The following ZNF254 variants were observed in gnomAD, a reference collection of about 807,000 sequenced individuals.
ZNF254 encodes CTD-2017D11.1.
In ZNF254, 10 loss-of-function variants were observed where a neutral mutation model predicts 12.4. The observed-to-expected ratio is 0.80, with a 90% CI of 0.50 to 1.36. The LOEUF is 1.36. ZNF254 is among the 40% of genes most tolerant of loss of function. The pLI, the probability that ZNF254 is intolerant of heterozygous loss-of-function variation, is 0.00. For synonymous variants in ZNF254, 305 were observed against 253.4 expected (o/e 1.20, Z -1.93); for missense variants, 996 against 763.9 (o/e 1.30, Z -3.58).
intron 3 of ZNF254, 118 bp downstream of exon 3, chr19:24,106,761 T>A (rs1388331345): frequency 2.1e-6 from 2 of 939,300 alleles, no homozygotes; most frequent in Non-Finnish European, 3.0e-6. Context: ...CTGGGAAGCC[T>A]AAATTTTTTT....
chr19:24,105,498 A>C (rs958671962), intron 1 of ZNF254: 8 of 209,926 alleles, frequency 3.8e-5, no homozygotes, highest in Middle Eastern at 1.9e-3. Flanking sequence ...AGATCTCCCC[A>C]AAAAATAATC....
At chr19:24,092,218 A>G (rs1204039434) in intron 1 of ZNF254, among the ~76,000 whole-genome samples, 2 of 141,566 alleles carry the variant, frequency 1.4e-5, no homozygotes, top group East Asian at 4.2e-4. Context: ...CCCTGAGTGG[A>G]GTGCAGTGGG....
chr19:24,046,038 T>TCTAAACGTAAAATACTTC (rs1970370708), intron 1 of ZNF254: 1 of 149,490 alleles, frequency 6.7e-6, no homozygotes, highest in Admixed American at 6.7e-5. Context: ...TCCTACATAT[T>TCTAAACGTAAAATACTTC]CTAAAGAAGC....
intron 1 of ZNF254, among the ~76,000 whole-genome samples, chr19:24,043,171 T>C (rs910418939): frequency 3.9e-5 from 6 of 152,202 alleles, no homozygotes; most frequent in Non-Finnish European, 7.3e-5. Flanking sequence ...CATTTCATTT[T>C]CTGTATTTTC....
In ZNF254 at chr19:24,048,003, C is replaced by CTTTTTTTTTTTTTTTTTTTTTTTTTTTTT. The variant is rs398034320; in HGVS notation, c.-94+1747_-94+1748insTTTTTTTTTTTTTTTTTTTTTTTTTTTTT. Among the ~76,000 whole-genome samples, 23 of 68,818 alleles carry CTTTTTTTTTTTTTTTTTTTTTTTTTTTTT rather than the reference C, an allele frequency of 3.3e-4. 4 individuals carry two copies. The highest frequency in any genetic ancestry group is 4.3e-4 in the Non-Finnish European group (17 of 39,910). The allele number at this position is 68,818 out of a possible 152,430, so 45.1% of individuals were successfully genotyped here. Reference sequence around the variant, plus strand: ...CACCCGGCTCTTTTTTTCTTTTCTTCTTTTTTTTTTTTTTTTTTTTTTTGC... The same window carrying CTTTTTTTTTTTTTTTTTTTTTTTTTTTTT: ...CACCCGGCTCTTTTTTTCTTTTCTTCTTTTTTTTTTTTTTTTTTTTTTTTTTTTTTTTTTTTTTTTTTTTTTTTTTTTGC... On this transcript the variant is annotated intron_variant, in intron 2 of 4. Coordinates refer to the ZNF254 transcript ENST00000613065.
At chr19:24,124,960 G>A (rs568350101) in intron 3 of ZNF254, among the ~76,000 whole-genome samples, 87 of 151,510 alleles carry the variant, frequency 5.7e-4, no homozygotes, top group African/African-American at 1.8e-3. Flanking sequence ...AATTTTTATA[G>A]TTTTAGTAGA....
At chr19:24,063,429 C>T (rs1353154120) in intron 2 of ZNF254, among the ~76,000 whole-genome samples, 2 of 152,186 alleles carry the variant, frequency 1.3e-5, no homozygotes, top group Non-Finnish European at 2.9e-5. Context: ...GTGTTGCACC[C>T]AGGTGGTGTG....
chr19:24,085,427 A>ATATATATATGT (rs1369362234), upstream of ZNF254, among the ~76,000 whole-genome samples: 32 of 42,448 alleles, frequency 7.5e-4, 1 homozygote, highest in East Asian at 2.3e-3. Flanking sequence ...TATATATATA[A>ATATATATATGT]AAACTAAGAT....
At chr19:24,074,582 A>G (rs1971593932) in intron 2 of ZNF254, among the ~76,000 whole-genome samples, 1 of 152,172 alleles carries the variant, frequency 6.6e-6, no homozygotes, top group Non-Finnish European at 1.5e-5. Context: ...CACACAGGCT[A>G]CGTCATTCTT....
At chr19:24,117,111 G>T (rs142713614) in intron 3 of ZNF254, among the ~76,000 whole-genome samples, 4,206 of 152,250 alleles carry the variant, frequency 0.028, 100 homozygotes, top group Middle Eastern at 0.048. Context: ...CCTAGTGGGG[G>T]GTGCCTCCCA....
At position 24,127,033 on chromosome 19, in the gene ZNF254, A is replaced by G. The variant is rs377033984; in HGVS notation, c.1033A>G (p.Thr345Ala). Residue 345 changes from threonine (T) to alanine (A), a missense_variant, in exon 4 of 4, where the codon ACT becomes GCT. Physicochemically the swap from Thr to Ala is moderately conservative, Grantham distance 58. Transcript: ENST00000357002. ...ACTAACTAGACATAAGAGGATGCACACTGGAGAGAAACCCTACAAATGTGA... is the reference window on the plus strand; with the variant it reads ...ACTAACTAGACATAAGAGGATGCACGCTGGAGAGAAACCCTACAAATGTGA... The part of the protein sequence containing the change: ...STLTRHKRMH[T>A]GEKPYKCEEC... The G allele has an allele frequency of 3.7e-6, 6 of 1,613,594 alleles. No individual in the cohort carries two copies. Among genetic ancestry groups the G allele is most frequent in the Non-Finnish European group, 5.1e-6 (6 of 1,179,832 alleles).
intron 1 of ZNF254, among the ~76,000 whole-genome samples, chr19:24,039,212 C>T (rs528466479): frequency 1.1e-4 from 16 of 152,288 alleles, no homozygotes; most frequent in South Asian, 6.2e-4. Flanking sequence ...CAAGACAGGG[C>T]CAGGCTTTGG....
chr19:24,067,652 G>A (rs1971325335), intron 2 of ZNF254, among the ~76,000 whole-genome samples: 1 of 151,870 alleles, frequency 6.6e-6, no homozygotes, highest in Admixed American at 6.6e-5. Flanking sequence ...CCTCTCAGAG[G>A]GTATTGTGAC....
intron 1 of ZNF254, among the ~76,000 whole-genome samples, chr19:24,099,248 A>G (rs1599705345): frequency 6.8e-6 from 1 of 148,028 alleles, no homozygotes; most frequent in Non-Finnish European, 1.5e-5. Context: ...CTCATGATCC[A>G]CCAGCCTCAG....
intron 1 of ZNF254, among the ~76,000 whole-genome samples, chr19:24,094,660 G>A (rs1475194348): frequency 1.3e-5 from 2 of 151,776 alleles, no homozygotes; most frequent in Non-Finnish European, 2.9e-5. Flanking sequence ...CCTTGTGCCA[G>A]TTTCCAAAGA....
chr19:24,087,238 T>G lies in ZNF254; in HGVS notation c.-70T>G, dbSNP rs139931205. 103 of 1,603,338 alleles carry G rather than the reference T, an allele frequency of 6.4e-5. No homozygotes were observed. The East Asian group carries it at 2.1e-3, about 33-fold the overall frequency. On this transcript the variant is annotated 5_prime_UTR_variant, in exon 1 of 4. Coordinates refer to ENST00000357002, the MANE Select transcript of ZNF254 (RefSeq NM_203282.4). The stretch of plus-strand genomic sequence containing the variant: ...TCCCAGGTCTGTCTTCACTGCTCTG[T>G]GTCCTCTGCTCCTAGAGGCCCAGCC...
chr19:24,092,641 A>C (rs1972462594), intron 1 of ZNF254, among the ~76,000 whole-genome samples: 1 of 152,102 alleles, frequency 6.6e-6, no homozygotes, highest in Non-Finnish European at 1.5e-5. Flanking sequence ...TTGGCCTCTC[A>C]GAGTGCTGGG....
At chr19:24,106,854 C>T (rs746045765) in intron 3 of ZNF254, 1 of 435,294 alleles carries the variant, frequency 2.3e-6, no homozygotes, top group Non-Finnish European at 4.1e-6. Context: ...AATGATCTTC[C>T]TCCAAGTTTA....
At chr19:24,084,510 T>G (rs937053300), upstream of ZNF254, among the ~76,000 whole-genome samples, 3 of 151,990 alleles carry the variant, frequency 2.0e-5, no homozygotes, top group Non-Finnish European at 4.4e-5. Flanking sequence ...CAAAAGAACT[T>G]ATCCATGTAT....
Sources: allele counts gnomAD v4.1 joint callset (sites outside exome capture counted in the v4.1 genomes callset), GRCh38; gene constraint gnomAD v4.1.1; transcripts MANE v1.5; gene names NCBI Gene and HGNC (gene_info 2026-07-23, HGNC 2026-07-21).